The following TFEC variants were observed in gnomAD, a reference collection of about 807,000 sequenced individuals.
TFEC encodes transcription factor EC.
A neutral mutation model predicts 41.6 loss-of-function variants in TFEC; 31 were observed. The observed-to-expected ratio is 0.74, with a 90% CI of 0.56 to 1.01. TFEC has a LOEUF of 1.01. Ranked by LOEUF, TFEC falls within the 50% of genes least tolerant of loss-of-function variation. TFEC has a pLI of 0.00. For missense variants in TFEC, 402 were observed against 404.1 expected (o/e 0.99, Z 0.04); for synonymous variants, 143 against 140.6 (o/e 1.02, Z -0.12).
At chr7:116,043,388 T>C (rs1045952890) in intron 3 of TFEC, among the ~76,000 whole-genome samples, 2 of 152,098 alleles carry the variant, frequency 1.3e-5, no homozygotes, top group African/African-American at 4.8e-5. Context: ...TTTAAACCTA[T>C]ATGAACTACA....
At position 115,935,533 on chromosome 7, in the gene TFEC, C is replaced by T. The variant is rs865938891; in HGVS notation, c.*5018G>A. On this transcript the variant is annotated 3_prime_UTR_variant, in exon 8 of 8. Coordinates refer to ENST00000265440, the MANE Select transcript of TFEC (RefSeq NM_012252.4). Reference sequence around the variant, plus strand: ...GCTGTTAGATAAGATTCTTGAATTTCGTTTGCTTTTAAAATTCAGTATCAT... The same window carrying T: ...GCTGTTAGATAAGATTCTTGAATTTTGTTTGCTTTTAAAATTCAGTATCAT... 9.9e-5 allele frequency: 15 copies of T among 151,998 alleles called. No individual in the cohort carries two copies. The highest frequency in any genetic ancestry group is 1.8e-4 in the Non-Finnish European group (12 of 67,626). 9.4% of individuals were successfully genotyped at this position (151,998 alleles called of 1,614,324 possible). A position where few individuals can be genotyped will look rare whatever the true frequency, so the allele number is the denominator to read the frequency against.
chr7:116,038,663 T>A (rs1200730120), intron 3 of TFEC, among the ~76,000 whole-genome samples: 1 of 152,038 alleles, frequency 6.6e-6, no homozygotes, highest in African/African-American at 2.4e-5. Flanking sequence ...AATGTTAGAA[T>A]GTTCCCAATG....
chr7:116,108,389 A>C (rs1254873155), intron 3 of TFEC, among the ~76,000 whole-genome samples: 2 of 152,156 alleles, frequency 1.3e-5, no homozygotes, highest in African/African-American at 2.4e-5. Context: ...CCTTGACATC[A>C]CCAAAACCAT....
intron 1 of TFEC, among the ~76,000 whole-genome samples, chr7:116,010,671 C>T (rs933779632): frequency 2.6e-5 from 4 of 152,122 alleles, no homozygotes; most frequent in African/African-American, 9.7e-5. Context: ...ACTTAGAAGA[C>T]AAGAAGGCTT....
intron 1 of TFEC, among the ~76,000 whole-genome samples, chr7:116,127,392 G>T (rs191523378): frequency 6.6e-6 from 1 of 152,092 alleles, no homozygotes; most frequent in Non-Finnish European, 1.5e-5. Flanking sequence ...CTGGGCTTTG[G>T]TTTTTTATCC....
chr7:116,124,023 G>A (rs1217835527), intron 1 of TFEC, among the ~76,000 whole-genome samples: 1 of 152,064 alleles, frequency 6.6e-6, no homozygotes, highest in East Asian at 1.9e-4. Context: ...AAGTGACAAG[G>A]AAAGAAGAAG....
chr7:116,101,558 T>C (rs1206611192), intron 3 of TFEC, among the ~76,000 whole-genome samples: 1 of 152,142 alleles, frequency 6.6e-6, no homozygotes. Flanking sequence ...TCAAACTACT[T>C]GCCCCAATAG....
At chr7:115,996,752 G>A (rs1584665212) in intron 1 of TFEC, among the ~76,000 whole-genome samples, 1 of 152,130 alleles carries the variant, frequency 6.6e-6, no homozygotes, top group Middle Eastern at 3.4e-3. Context: ...AAAGCTGACT[G>A]AAGAGACCTT....
chr7:116,151,238 A>ATTTTT (rs5886809), intron 1 of TFEC, among the ~76,000 whole-genome samples: 5 of 120,134 alleles, frequency 4.2e-5, no homozygotes, highest in East Asian at 2.4e-4. Context: ...ATTATGTCAG[A>ATTTTT]TTTTTTTTTT....
intron 1 of TFEC, among the ~76,000 whole-genome samples, chr7:116,008,306 A>G (rs1171006218): frequency 6.6e-6 from 1 of 152,220 alleles, no homozygotes; most frequent in African/African-American, 2.4e-5. Context: ...AATTAGATTT[A>G]TTCTAAGTAA....
At chr7:115,963,354 C>T (rs1792669161) in intron 3 of TFEC, among the ~76,000 whole-genome samples, 2 of 151,706 alleles carry the variant, frequency 1.3e-5, no homozygotes, top group South Asian at 4.1e-4. Flanking sequence ...TGAAATGGTG[C>T]AGCCATTGTG....
At chr7:116,048,758 G>A (rs186761119) in intron 3 of TFEC, among the ~76,000 whole-genome samples, 1,741 of 152,322 alleles carry the variant, frequency 0.011, 42 homozygotes, top group African/African-American at 0.04. Context: ...ACAAAGGGAA[G>A]CCCATCAGAC....
intron 4 of TFEC, among the ~76,000 whole-genome samples, chr7:115,955,671 T>C (rs1381793299): frequency 3.3e-5 from 5 of 152,100 alleles, no homozygotes; most frequent in Non-Finnish European, 7.4e-5. Flanking sequence ...TTTATTACTT[T>C]GAGATTATAA....
intron 3 of TFEC, among the ~76,000 whole-genome samples, chr7:116,081,394 G>A (rs1031066493): frequency 6.6e-6 from 1 of 151,946 alleles, no homozygotes; most frequent in Non-Finnish European, 1.5e-5. Flanking sequence ...AAATCTCAGG[G>A]ATTTTCCTCA....
intron 4 of TFEC, among the ~76,000 whole-genome samples, chr7:115,956,456 G>T (rs1327894991): frequency 1.3e-5 from 2 of 151,022 alleles, no homozygotes; most frequent in Non-Finnish European, 3.0e-5. Context: ...ACATATATGT[G>T]CATTTGCTCA....
intron 3 of TFEC, among the ~76,000 whole-genome samples, chr7:115,973,471 TAAAC>T (rs932247749): frequency 2.0e-5 from 3 of 151,928 alleles, no homozygotes; most frequent in South Asian, 4.1e-4. Flanking sequence ...TTGTAAACTG[TAAAC>T]AAACAAACAA....
chr7:116,120,976 T>C (rs1451689159), intron 1 of TFEC, among the ~76,000 whole-genome samples: 2 of 151,976 alleles, frequency 1.3e-5, no homozygotes, highest in Admixed American at 6.6e-5. Flanking sequence ...TATTATTATA[T>C]GTAAAAATAA....
intron 3 of TFEC, among the ~76,000 whole-genome samples, chr7:116,085,455 G>A (rs989365901): frequency 2.6e-5 from 4 of 151,748 alleles, no homozygotes; most frequent in Middle Eastern, 3.4e-3. Context: ...ATAAAACTTC[G>A]CTTAAAATGA....
chr7:116,135,064 TC>T (rs1423119849), intron 1 of TFEC, among the ~76,000 whole-genome samples: 1 of 152,144 alleles, frequency 6.6e-6, no homozygotes, highest in African/African-American at 2.4e-5. Context: ...AATTTCAAAG[TC>T]ATACTATCCC....
Sources: allele counts gnomAD v4.1 joint callset (sites outside exome capture counted in the v4.1 genomes callset), GRCh38; gene constraint gnomAD v4.1.1; transcripts MANE v1.5; gene names NCBI Gene and HGNC (gene_info 2026-07-23, HGNC 2026-07-21).